The following SMURF2 variants were observed in gnomAD, a reference collection of about 807,000 sequenced individuals.
SMURF2 encodes SMAD specific E3 ubiquitin protein ligase 2, also known as E3 ubiquitin-protein ligase SMURF2.
In SMURF2, 48 loss-of-function variants were observed where a neutral mutation model predicts 109.6. The ratio of observed to expected loss-of-function variants is 0.44; its 90% confidence interval spans 0.35 to 0.56. The LOEUF is 0.56. SMURF2 is among the 20% of genes least tolerant of loss of function. SMURF2 has a pLI of 0.01. For synonymous variants in SMURF2, 288 were observed against 317.1 expected (o/e 0.91, Z 0.97); for missense variants, 575 against 909.0 (o/e 0.63, Z 4.72).
chr17:64,568,459 C>G (rs1225589935), intron 10 of SMURF2, among the ~76,000 whole-genome samples: 1 of 152,120 alleles, frequency 6.6e-6, no homozygotes, highest in Non-Finnish European at 1.5e-5. Flanking sequence ...CTGGGCCTCT[C>G]AGAGAGCCAT....
intron 15 of SMURF2, among the ~76,000 whole-genome samples, chr17:64,552,228 T>C (rs1457550517): frequency 6.6e-6 from 1 of 152,188 alleles, no homozygotes; most frequent in Non-Finnish European, 1.5e-5. Flanking sequence ...TTTGATTAAA[T>C]AATCATTGTT....
chr17:64,565,138 C>A (rs1182263788), intron 10 of SMURF2, among the ~76,000 whole-genome samples: 1 of 152,120 alleles, frequency 6.6e-6, no homozygotes, highest in African/African-American at 2.4e-5. Context: ...AAAGACCAAG[C>A]CATGCAAATG....
chr17:64,631,852 AGGATCAGCAACAT>A (rs1395059596), intron 1 of SMURF2, among the ~76,000 whole-genome samples: 1 of 151,794 alleles, frequency 6.6e-6, no homozygotes, highest in Admixed American at 6.6e-5. Flanking sequence ...AACACCAGAC[AGGATCAGCAACAT>A]GGGGTCAGCA....
intron 9 of SMURF2, among the ~76,000 whole-genome samples, chr17:64,572,308 A>G (rs2144622291): frequency 6.6e-6 from 1 of 152,370 alleles, no homozygotes; most frequent in South Asian, 2.1e-4. Context: ...TGTCAGTGAC[A>G]TAAAGAATTA....
intron 1 of SMURF2, among the ~76,000 whole-genome samples, chr17:64,613,671 CCAGTGTGTGTGTGT>C (rs1970075525): frequency 1.3e-5 from 1 of 74,652 alleles, no homozygotes; most frequent in Admixed American, 2.0e-4. Flanking sequence ...TTTCCACGGA[CCAGTGTGTGTGTGT>C]GTGTGTGTGT....
intron 12 of SMURF2, 84 bp from the exon 13 acceptor site, chr17:64,557,806 AAAT>A (rs1303461393): frequency 1.9e-5 from 13 of 689,994 alleles, no homozygotes; most frequent in Admixed American, 2.7e-5. Flanking sequence ...TCATTTTAGC[AAAT>A]AATTATTTAA....
intron 1 of SMURF2, among the ~76,000 whole-genome samples, chr17:64,635,327 A>G (rs886314290): frequency 2.2e-4 from 33 of 152,276 alleles, no homozygotes; most frequent in Non-Finnish European, 4.4e-4. Flanking sequence ...ACTAGGTCTC[A>G]AAATAAATAA....
At position 64,581,112 on chromosome 17, in the gene SMURF2, T is replaced by C; in HGVS notation, c.570-121A>G. On this transcript the variant is annotated intron_variant, in intron 7 of 18. Transcript: ENST00000262435. This position sits in a 1 kb window ranked among gnomAD's most constrained non-coding sequence, Gnocchi z 4.3. ...TCATGTCTGAAAACAGAATGACTAATACAAGTATAATGACTTCAAGAACTC... is the reference window on the plus strand; with the variant it reads ...TCATGTCTGAAAACAGAATGACTAACACAAGTATAATGACTTCAAGAACTC... The C allele has an allele frequency of 2.3e-6, 2 of 869,096 alleles. No individual in the cohort carries two copies. The highest frequency in any genetic ancestry group is 3.4e-5 in the South Asian group (2 of 59,158). 53.8% of individuals were successfully genotyped at this position (869,096 alleles called of 1,614,324 possible).
At position 64,648,085 on chromosome 17, in the gene SMURF2, A is replaced by AC. The variant is rs1555693151; in HGVS notation, c.52+13743_52+13744insG. 2.2e-4 allele frequency among the ~76,000 whole-genome samples: 31 copies of AC among 138,970 alleles called. 1 individual carries two copies. Among genetic ancestry groups the AC allele is most frequent in the Middle Eastern group, 3.6e-3 (1 of 280 alleles). The allele number at this position is 138,970 out of a possible 152,430, so 91.2% of individuals were successfully genotyped here. ...AAAAAAAAAAAAAAAAAAAAAAAAA[A>AC]AAAAAAACAGGATCTCAATAGTAAT... is the stretch of plus-strand genomic sequence containing the variant. On this transcript the variant is annotated intron_variant, in intron 1 of 18. Transcript: ENST00000262435.
chr17:64,635,991 T>C (rs555445638), intron 1 of SMURF2, among the ~76,000 whole-genome samples: 1 of 152,336 alleles, frequency 6.6e-6, no homozygotes, highest in African/African-American at 2.4e-5. Context: ...TTTGTTATTT[T>C]CCCATTATTA....
intron 6 of SMURF2, 26 bp from the exon 7 acceptor site, chr17:64,583,570 G>C: frequency 1.3e-6 from 2 of 1,570,616 alleles, no homozygotes; most frequent in South Asian, 1.1e-5. Context: ...TGAGTGATAA[G>C]GCATTAATAG....
At position 64,571,939 on chromosome 17, in the gene SMURF2, T is replaced by G. The variant is rs143629300; in HGVS notation, c.875A>C (p.Asn292Thr). The G allele has an allele frequency of 6.2e-7, 1 of 1,612,400 alleles. No individual in the cohort carries two copies. Among genetic ancestry groups the G allele is most frequent in the South Asian group, 1.1e-5 (1 of 90,546 alleles). ...AGGCAATGGACCAAGCTCTTCACAA[T>G]TGATGTTGCTAAGATCCCTGCAAAA... ...PRVPRDLSNINCEELGPLPPG... is the reference protein window; with the variant it reads ...PRVPRDLSNITCEELGPLPPG... The change falls in exon 10 of 19, where the codon AAT becomes ACT. Residue 292 changes from asparagine (N) to threonine (T), a missense_variant. Coordinates refer to ENST00000262435, the MANE Select transcript of SMURF2 (RefSeq NM_022739.4).
At chr17:64,631,435 T>C (rs1217073528) in intron 1 of SMURF2, among the ~76,000 whole-genome samples, 2 of 151,086 alleles carry the variant, frequency 1.3e-5, no homozygotes, top group African/African-American at 4.9e-5. Context: ...TTGAAGGAAA[T>C]GGGCTAAGAA....
Position 64,571,414 on chromosome 17 carries a change from A to ATTTTTT in SMURF2, c.1016+378_1016+383dup, listed in dbSNP as rs10678942. Among the ~76,000 whole-genome samples the ATTTTTT allele has an allele frequency of 2.1e-3, 318 of 152,006 alleles. 1 individual carries two copies. Among genetic ancestry groups the ATTTTTT allele is most frequent in the African/African-American group, 7.4e-3 (306 of 41,398 alleles). Reference sequence around the variant, plus strand: ...AACTGATGAAAGTAGATGTTCTTTCATTTTTTAAGAGACAGGGTCTCCATC... The same window carrying ATTTTTT: ...AACTGATGAAAGTAGATGTTCTTTCATTTTTTTTTTTTAAGAGACAGGGTCTCCATC... On this transcript the variant is annotated intron_variant, in intron 10 of 18. Coordinates refer to ENST00000262435, the MANE Select transcript of SMURF2 (RefSeq NM_022739.4).
chr17:64,655,607 GA>G (rs1224415616), intron 1 of SMURF2, among the ~76,000 whole-genome samples: 4 of 151,528 alleles, frequency 2.6e-5, no homozygotes, highest in Admixed American at 2.6e-4. Context: ...TTATGTGGAA[GA>G]AAAAAATAAG....
intron 1 of SMURF2, among the ~76,000 whole-genome samples, chr17:64,609,726 G>C (rs1213612074): frequency 6.6e-6 from 1 of 151,784 alleles, no homozygotes; most frequent in African/African-American, 2.4e-5. Context: ...AAGACTTCAT[G>C]ACTAAAACAC....
chr17:64,618,939 T>C (rs1483549086), intron 1 of SMURF2, among the ~76,000 whole-genome samples: 1 of 152,184 alleles, frequency 6.6e-6, no homozygotes, highest in Non-Finnish European at 1.5e-5. Flanking sequence ...GTGCTATCCC[T>C]TATGAACTTG....
chr17:64,634,507 C>T (rs1181345684), intron 1 of SMURF2, among the ~76,000 whole-genome samples: 1 of 152,254 alleles, frequency 6.6e-6, no homozygotes, highest in Middle Eastern at 3.4e-3. Flanking sequence ...CTGAGTCTTC[C>T]TAGAGATAGG....
chr17:64,652,049 A>G (rs78853424), intron 1 of SMURF2, among the ~76,000 whole-genome samples: 7,652 of 152,286 alleles, frequency 0.05, 318 homozygotes, highest in Admixed American at 0.14. Flanking sequence ...TTCCAAAAAC[A>G]TGACTGATAG....
Sources: allele counts gnomAD v4.1 joint callset (sites outside exome capture counted in the v4.1 genomes callset), GRCh38; gene constraint gnomAD v4.1.1; non-coding constraint Gnocchi (gnomAD v3.1); transcripts MANE v1.5; gene names NCBI Gene and HGNC (gene_info 2026-07-23, HGNC 2026-07-21).